HUNK: variants seen among roughly 807,000 people sequenced by gnomAD.
The protein encoded by HUNK is hormonally up-regulated neu tumor-associated kinase.
Under a neutral mutation model 61.0 loss-of-function variants are expected in HUNK, and 21 were observed. That is an observed-to-expected ratio of 0.34 (90% CI 0.24 to 0.50). HUNK has a LOEUF of 0.50. Among genes scored for constraint, HUNK ranks in the 20% least tolerant of loss-of-function variants. The probability of loss-of-function intolerance (pLI) is 0.98; values close to 1 mark genes in which losing one functional copy is unlikely to be tolerated. For synonymous variants in HUNK, 371 were observed against 386.1 expected (o/e 0.96, Z 0.46); for missense variants, 772 against 945.7 (o/e 0.82, Z 2.41).
At chr21:31,917,695 T>TAC (rs3056146) in intron 1 of HUNK, among the ~76,000 whole-genome samples, 9,236 of 94,562 alleles carry the variant, frequency 0.098, 561 homozygotes, top group East Asian at 0.12. Context: ...TTCCCAAACA[T>TAC]ACACACACAC....
chr21:31,977,090 A>C (rs2053055504), intron 7 of HUNK, among the ~76,000 whole-genome samples: 2 of 152,164 alleles, frequency 1.3e-5, no homozygotes, highest in African/African-American at 4.8e-5. Flanking sequence ...TTTTGCAAAA[A>C]GACTATATTC....
At chr21:31,988,122 CCT>C (rs1324134714) in intron 8 of HUNK, among the ~76,000 whole-genome samples, 5 of 152,210 alleles carry the variant, frequency 3.3e-5, no homozygotes, top group South Asian at 2.1e-4. Flanking sequence ...ATTTTCTCTA[CCT>C]CTTTTTCCTG....
chr21:31,902,490 A>G (rs151245923), intron 1 of HUNK, among the ~76,000 whole-genome samples: 14 of 152,322 alleles, frequency 9.2e-5, no homozygotes, highest in African/African-American at 3.4e-4. Context: ...AGCCTGGGCA[A>G]CAAAAGCAAA....
chr21:31,912,679 A>G (rs1215370322), intron 1 of HUNK, among the ~76,000 whole-genome samples: 1 of 152,024 alleles, frequency 6.6e-6, no homozygotes, highest in East Asian at 1.9e-4. Flanking sequence ...GGAGCTGGGA[A>G]CACAGGCCTG....
At position 31,937,023 on chromosome 21, in the gene HUNK, G is replaced by A. The variant is rs1057509841; in HGVS notation, c.555-3142G>A. Among the ~76,000 whole-genome samples, 19 of 152,180 alleles carry A rather than the reference G, an allele frequency of 1.2e-4. 1 individual carries two copies. Among genetic ancestry groups the A allele is most frequent in the African/African-American group, 3.4e-4 (14 of 41,434 alleles). ...CCTTCCTTTAGATTTAGAGAGTACT[G>A]CTGTTTATAATCAGGGTTCACGGAA... On this transcript the variant is annotated intron_variant, in intron 2 of 10. Transcript: ENST00000270112.
intron 8 of HUNK, among the ~76,000 whole-genome samples, chr21:31,986,948 A>ATC (rs2053137703): frequency 6.6e-6 from 1 of 152,108 alleles, no homozygotes; most frequent in South Asian, 2.1e-4. Context: ...TTTGATTAAC[A>ATC]TCTCTCCCTC....
In HUNK at chr21:31,946,134, A is replaced by G. The variant is rs1405166873; in HGVS notation, c.709A>G (p.Arg237Gly). 1 of 1,613,120 alleles carries G rather than the reference A, an allele frequency of 6.2e-7. No individual in the cohort carries two copies. Among genetic ancestry groups the G allele is most frequent in the Non-Finnish European group, 8.5e-7 (1 of 1,179,222 alleles). Residue 237 changes from arginine to glycine, a missense_variant, in exon 4 of 11, where the codon AGG becomes GGG. Arg to Gly is a moderately radical substitution (Grantham distance 125). Around this residue, in one of 2 missense-constraint regions of HUNK, gnomAD observed 359 missense variants for 501.3 expected, o/e 0.72. Coordinates refer to ENST00000270112, the MANE Select transcript of HUNK (RefSeq NM_014586.2). ...CTACGCTGCACCTGAACTGCTCGCC[A>G]GGAAGAAATACGGCCCCAAAATCGA... ...PAYAAPELLA[R>G]KKYGPKIDVW...
At chr21:31,987,664 T>A (rs2053143254) in intron 8 of HUNK, among the ~76,000 whole-genome samples, 1 of 152,242 alleles carries the variant, frequency 6.6e-6, no homozygotes, top group Admixed American at 6.5e-5. Context: ...GCATTCAATT[T>A]TCTATGATCC....
At chr21:31,986,265 C>G (rs762054278) in intron 8 of HUNK, among the ~76,000 whole-genome samples, 15 of 150,516 alleles carry the variant, frequency 1.0e-4, no homozygotes, top group Non-Finnish European at 1.8e-4. Context: ...AAGGAAGAAA[C>G]CCAAGAGTCC....
intron 4 of HUNK, among the ~76,000 whole-genome samples, chr21:31,952,021 C>T (rs954608041): frequency 2.5e-5 from 2 of 80,434 alleles, no homozygotes; most frequent in African/African-American, 1.1e-4. Flanking sequence ...TTATAAAGTA[C>T]GAGATTTTTT....
At chr21:31,906,953 T>A (rs551201571) in intron 1 of HUNK, among the ~76,000 whole-genome samples, 8 of 152,032 alleles carry the variant, frequency 5.3e-5, no homozygotes, top group Non-Finnish European at 7.4e-5. Context: ...GGTGGGTGGA[T>A]CACCTGAGGT....
At chr21:31,903,525 A>T (rs1021297825) in intron 1 of HUNK, among the ~76,000 whole-genome samples, 1 of 152,220 alleles carries the variant, frequency 6.6e-6, no homozygotes, top group Non-Finnish European at 1.5e-5. Context: ...GCCAAAAAAA[A>T]AATTACCTTT....
chr21:31,999,404 C>G lies in HUNK; in HGVS notation c.*220C>G. ...GGTTGGCTCCAGGGGCAGCCAATTC[C>G]TATCATTCAGATCTTCCTTCCTCCC... On this transcript the variant is annotated 3_prime_UTR_variant, in exon 11 of 11. Coordinates refer to ENST00000270112, the MANE Select transcript of HUNK (RefSeq NM_014586.2). The G allele has an allele frequency of 1.9e-6, 1 of 520,272 alleles. No homozygotes were observed. The highest frequency in any genetic ancestry group is 3.4e-6 in the Non-Finnish European group (1 of 297,166). The allele number at this position is 520,272 out of a possible 1,614,324, so 32.2% of individuals were successfully genotyped here.
intron 1 of HUNK, among the ~76,000 whole-genome samples, chr21:31,901,401 C>T (rs936059150): frequency 9.9e-5 from 15 of 152,096 alleles, no homozygotes; most frequent in Non-Finnish European, 1.8e-4. Context: ...AAGCAACTCC[C>T]GGTTTGTACA....
At chr21:31,889,333 G>A (rs1486164236) in intron 1 of HUNK, among the ~76,000 whole-genome samples, 1 of 152,202 alleles carries the variant, frequency 6.6e-6, no homozygotes, top group Non-Finnish European at 1.5e-5. Flanking sequence ...GGGAAAGTTA[G>A]CTGTGGAGTC....
chr21:31,893,461 C>G (rs16988602), intron 1 of HUNK, among the ~76,000 whole-genome samples: 3,513 of 152,244 alleles, frequency 0.023, 47 homozygotes, highest in Middle Eastern at 0.051. Context: ...CCAAAGAACT[C>G]TAATTGGAGT....
intron 1 of HUNK, among the ~76,000 whole-genome samples, chr21:31,923,063 C>A (rs1304654919): frequency 6.6e-6 from 1 of 152,092 alleles, no homozygotes; most frequent in Non-Finnish European, 1.5e-5. Context: ...AGAGGAAGGA[C>A]AGGTGGCGAG....
rs149799573 is a variant in HUNK at position 31,962,113 on chromosome 21, G to A, written c.874+3143G>A. ...GGGAAAGAGAAAGAGAAGTTCTTTC[G>A]CCAGCAATTAAATCTTCCACCAATC... On this transcript the variant is annotated intron_variant, in intron 5 of 10. Transcript: ENST00000270112. Among the ~76,000 whole-genome samples, 1,252 of 152,292 alleles carry A rather than the reference G, an allele frequency of 8.2e-3. 21 individuals carry two copies. Among genetic ancestry groups the A allele is most frequent in the African/African-American group, 0.027 (1,134 of 41,554 alleles).
intron 1 of HUNK, among the ~76,000 whole-genome samples, chr21:31,909,571 G>T (rs2052531824): frequency 6.6e-6 from 1 of 152,214 alleles, no homozygotes; most frequent in Non-Finnish European, 1.5e-5. Context: ...TCAACAAAAA[G>T]GCGAATTTTA....
Sources: gnomAD v4.1 joint callset for allele counts (sites outside exome capture counted in the v4.1 genomes callset) on GRCh38, gnomAD v4.1.1 for gene constraint, gnomAD v4.1.1 regional missense constraint, MANE v1.5 for transcripts, NCBI Gene and HGNC (gene_info 2026-07-23, HGNC 2026-07-21) for gene names.